ENPP5: variants seen among roughly 807,000 people sequenced by gnomAD.
ENPP5 encodes ectonucleotide pyrophosphatase/phosphodiesterase family member 5.
Under a neutral mutation model 33.7 loss-of-function variants are expected in ENPP5, and 27 were observed. The observed-to-expected ratio is 0.80, with a 90% confidence interval of 0.59 to 1.11. ENPP5 has a LOEUF of 1.11. Among genes scored for constraint, ENPP5 ranks in the 50% least tolerant of loss-of-function variants. ENPP5 has a pLI of 0.00. For missense variants in ENPP5, 552 were observed against 579.2 expected, an observed-to-expected ratio of 0.95 and a Z score of 0.48; for synonymous variants, 199 against 200.5, an observed-to-expected ratio of 0.99 and a Z score of 0.06.
intron 2 of ENPP5, among the ~76,000 whole-genome samples, chr6:46,169,394 CT>C (rs58296228): frequency 0.42 from 58,223 of 138,518 alleles, 12,383 homozygotes; most frequent in South Asian, 0.66. Flanking sequence ...CTGAAGACTT[CT>C]TTTTTTTTTT....
chr6:46,170,408 C>T (rs939597543), intron 1 of ENPP5, among the ~76,000 whole-genome samples: 2 of 150,422 alleles, frequency 1.3e-5, no homozygotes, highest in African/African-American at 4.9e-5. Context: ...TTTTTTCGTG[C>T]ACAAAATGCT....
chr6:46,167,880 T>C lies in ENPP5; in HGVS notation c.383A>G (p.Gln128Arg), dbSNP rs1764602565. ...TGCACCACTAGTATGTCCTGCCCTC[T>C]GGTTTGTGATCCATATTGGTGTCGC... Reference protein sequence around the residue: ...EEATPIWITNQRAGHTSGAAM... With the variant: ...EEATPIWITNRRAGHTSGAAM... The change falls in exon 3 of 5, where the codon CAG (glutamine) becomes CGG (arginine). Residue 128 changes from glutamine (Q) to arginine (R), a missense_variant. Gln to Arg is a conservative substitution (Grantham distance 43). Transcript: ENST00000371383. 1 of 1,614,238 alleles carries C rather than the reference T, an allele frequency of 6.2e-7. No individual in the cohort carries two copies. Among genetic ancestry groups the C allele is most frequent in the Admixed American group, 1.7e-5 (1 of 60,030 alleles).
chr6:46,168,711 C>T (rs747310445), intron 2 of ENPP5, among the ~76,000 whole-genome samples: 5 of 151,910 alleles, frequency 3.3e-5, no homozygotes, highest in Admixed American at 6.6e-5. Context: ...CTATGGCAAC[C>T]TAGCAACAAT....
At position 46,168,239 on chromosome 6, in the gene ENPP5, C is replaced by A. The variant is rs1486855919; in HGVS notation, c.24G>T (p.Val8=). The A allele has an allele frequency of 8.8e-6, 14 of 1,590,518 alleles. No homozygotes were observed. The highest frequency in any genetic ancestry group is 1.2e-5 in the Non-Finnish European group (14 of 1,166,764). The change falls in exon 3 of 5, where the codon GTG becomes GTT. Residue 8 remains valine, a synonymous_variant. Transcript: ENST00000371383. MTSKFLL[V]SFILAALSLS... ...GACTCAGTGCAGCAAGTATGAAGGA[C>A]ACCAAGAGAAATTTCGAAGTCATTT...
At chr6:46,166,195 C>T (rs1373499413) in intron 3 of ENPP5, among the ~76,000 whole-genome samples, 1 of 151,742 alleles carries the variant, frequency 6.6e-6, no homozygotes, top group Non-Finnish European at 1.5e-5. Flanking sequence ...ATTTCCTCTT[C>T]CCTTCCCTCT....
chr6:46,165,269 A>G (rs2127497783), intron 4 of ENPP5, 118 bp downstream of exon 4: 2 of 775,448 alleles, frequency 2.6e-6, no homozygotes, highest in Non-Finnish European at 3.9e-6. Context: ...TAGTTCCTTA[A>G]TATTCAAGTA....
rs1764321065 is a variant in ENPP5, at chr6:46,159,524, G to A, written c.*1802C>T. 6.6e-6 allele frequency: 1 copy of A among 152,160 alleles called. No homozygotes were observed. Among genetic ancestry groups the A allele is most frequent in the Non-Finnish European group, 1.5e-5 (1 of 68,008 alleles). 9.4% of individuals were successfully genotyped at this position (152,160 alleles called of 1,614,324 possible). A position where few individuals can be genotyped will look rare whatever the true frequency, so the allele number is the denominator to read the frequency against. ...CTAATCCAGAGTTCATACTTCTGGG[G>A]AGTTTGCTACCTACCATATACTTTC... On this transcript the variant is annotated 3_prime_UTR_variant, in exon 5 of 5. Transcript: ENST00000371383.
At chr6:46,169,126 G>A (rs1206087035) in intron 2 of ENPP5, among the ~76,000 whole-genome samples, 1 of 152,098 alleles carries the variant, frequency 6.6e-6, no homozygotes, top group African/African-American at 2.4e-5. Context: ...AAGGTTGCTG[G>A]TCTTTTCCCC....
rs564097470 is a variant in ENPP5, at chr6:46,163,653, G to A, written c.1006+1734C>T. Among the ~76,000 whole-genome samples the A allele has an allele frequency of 3.9e-3, 600 of 152,088 alleles. 3 individuals carry two copies. Among genetic ancestry groups the A allele is most frequent in the Middle Eastern group, 6.8e-3 (2 of 294 alleles). ...GAACTAGTTTACAGTCCCACCAACAGTGTAAAAGTGTTCCTATTTCTCCAC... is the reference window on the plus strand; with the variant it reads ...GAACTAGTTTACAGTCCCACCAACAATGTAAAAGTGTTCCTATTTCTCCAC... On this transcript the variant is annotated intron_variant, in intron 4 of 4. Transcript: ENST00000371383.
chr6:46,165,072 C>G (rs566274789), intron 4 of ENPP5: 1 of 181,134 alleles, frequency 5.5e-6, no homozygotes, highest in Non-Finnish European at 1.1e-5. Context: ...AACCATGTAT[C>G]TGTATACATC....
chr6:46,169,581 CAG>C (rs1388599919), intron 2 of ENPP5, among the ~76,000 whole-genome samples: 2 of 152,154 alleles, frequency 1.3e-5, no homozygotes, highest in Non-Finnish European at 2.9e-5. Flanking sequence ...TCAGTAGAGA[CAG>C]GGTTTCGCCA....
rs1371220292 is a variant in ENPP5, at chr6:46,159,341, T to G, written c.*1985A>C. The G allele has an allele frequency of 6.6e-6, 1 of 151,748 alleles. No individual in the cohort carries two copies. The highest frequency in any genetic ancestry group is 6.6e-5 in the Admixed American group (1 of 15,210). The allele number at this position is 151,748 out of a possible 1,614,324, so 9.4% of individuals were successfully genotyped here. A position where few individuals can be genotyped will look rare whatever the true frequency, so the allele number is the denominator to read the frequency against. On this transcript the variant is annotated 3_prime_UTR_variant, in exon 5 of 5. Transcript: ENST00000371383. ...GTAATAGCACCTTCTAAAATGAATT[T>G]AATGCAATTATTAATTTAAATGGAC...
In ENPP5 at chr6:46,161,428, C is replaced by A; in HGVS notation, c.1332G>T (p.Val444=). Reference sequence around the variant, plus strand: ...TAATGAAAATTACAAAAAATACAATCACTATAATGCTGCCAAGAGAGACCC... The same window carrying A: ...TAATGAAAATTACAAAAAATACAATAACTATAATGCTGCCAAGAGAGACCC... ...FIGVSLGSII[V]IVFFVIFIKH... Residue 444 remains valine, a synonymous_variant, in exon 5 of 5, where the codon GTG becomes GTT. Transcript: ENST00000371383. The A allele has an allele frequency of 1.2e-6, 2 of 1,613,668 alleles. No homozygotes were observed. Among genetic ancestry groups the A allele is most frequent in the Non-Finnish European group, 1.7e-6 (2 of 1,179,664 alleles).
Position 46,161,092 on chromosome 6 carries a change from C to G in ENPP5, c.*234G>C. The G allele has an allele frequency of 2.0e-6, 1 of 496,584 alleles. No homozygotes were observed. The highest frequency in any genetic ancestry group is 3.6e-6 in the Non-Finnish European group (1 of 275,616). 30.8% of individuals were successfully genotyped at this position (496,584 alleles called of 1,614,324 possible). A position where few individuals can be genotyped will look rare whatever the true frequency, so the allele number is the denominator to read the frequency against. On this transcript the variant is annotated 3_prime_UTR_variant, in exon 5 of 5. Transcript: ENST00000371383. ...AAATAAAGCAGGATCTTATCTATCC[C>G]TATGCTACAGTGAACAATGGAGACA...
intron 2 of ENPP5, among the ~76,000 whole-genome samples, chr6:46,168,816 T>G (rs1412130592): frequency 6.6e-6 from 1 of 151,998 alleles, no homozygotes; most frequent in East Asian, 1.9e-4. Context: ...TATGTTTGGT[T>G]AATCACAGAC....
intron 3 of ENPP5, among the ~76,000 whole-genome samples, chr6:46,166,704 C>T (rs1270044551): frequency 6.6e-6 from 1 of 152,128 alleles, no homozygotes; most frequent in Non-Finnish European, 1.5e-5. Context: ...ATGGAATTCT[C>T]ATTTGTGAAA....
chr6:46,166,362 T>C (rs1305710046), intron 3 of ENPP5, among the ~76,000 whole-genome samples: 1 of 151,436 alleles, frequency 6.6e-6, no homozygotes, highest in Non-Finnish European at 1.5e-5. Context: ...GATATGATCA[T>C]AGCTCACTGT....
chr6:46,164,488 A>G (rs1764477745), intron 4 of ENPP5, among the ~76,000 whole-genome samples: 1 of 152,214 alleles, frequency 6.6e-6, no homozygotes, highest in South Asian at 2.1e-4. Flanking sequence ...TAAACATAAT[A>G]TAAATTGAGT....
At chr6:46,169,581 C>T (rs1453950610) in intron 2 of ENPP5, among the ~76,000 whole-genome samples, 1 of 152,152 alleles carries the variant, frequency 6.6e-6, no homozygotes, top group Non-Finnish European at 1.5e-5. Context: ...TCAGTAGAGA[C>T]AGGGTTTCGC....
Sources: allele counts gnomAD v4.1 joint callset (sites outside exome capture counted in the v4.1 genomes callset), GRCh38; gene constraint gnomAD v4.1.1; transcripts MANE v1.5; gene names NCBI Gene and HGNC (gene_info 2026-07-23, HGNC 2026-07-21).